The following KIF5C variants were observed in gnomAD, a reference collection of about 807,000 sequenced individuals.
KIF5C encodes kinesin family member 5C, also known as kinesin heavy chain isoform 5C.
A neutral mutation model predicts 125.2 loss-of-function variants in KIF5C; 18 were observed. The ratio of observed to expected loss-of-function variants is 0.14; its 90% confidence interval spans 0.10 to 0.21. The LOEUF (loss-of-function observed/expected upper bound fraction) is 0.21. Ranked by LOEUF, KIF5C falls within the 10% of genes least tolerant of loss-of-function variation. The probability of loss-of-function intolerance (pLI) is 1.00; values close to 1 mark genes in which losing one functional copy is unlikely to be tolerated. For synonymous variants in KIF5C, 405 were observed against 434.0 expected, an observed-to-expected ratio of 0.93 and a Z score of 0.83; for missense variants, 780 against 1,183.8, an observed-to-expected ratio of 0.66 and a Z score of 5.01.
intron 15 of KIF5C, 52 bp downstream of exon 15, chr2:148,983,818 G>T: frequency 6.6e-7 from 1 of 1,511,394 alleles, no homozygotes; most frequent in Admixed American, 2.1e-5. Context: ...AAGTTAGTAG[G>T]GTCTGTGCTT....
chr2:148,981,298 A>T, intron 13 of KIF5C, 57 bp from the exon 14 acceptor site: 10 of 1,518,104 alleles, frequency 6.6e-6, no homozygotes, highest in Non-Finnish European at 8.8e-6. Context: ...GATACAGCAT[A>T]GAACATAAAC....
chr2:148,875,575 G>GCCCCCCCCCCCCCCCC lies in KIF5C; in HGVS notation c.-37_-36insCCCCCCCCCCCCCCCC. 1.4e-6 allele frequency: 1 copy of GCCCCCCCCCCCCCCCC among 699,604 alleles called. No individual in the cohort carries two copies. The highest frequency in any genetic ancestry group is 2.6e-6 in the Non-Finnish European group (1 of 389,228). 43.3% of individuals were successfully genotyped at this position (699,604 alleles called of 1,614,324 possible). A position where few individuals can be genotyped will look rare whatever the true frequency, so the allele number is the denominator to read the frequency against. ...TCCTCCCTCGTCGTTCCCGGCCCCG[G>GCCCCCCCCCCCCCCCC]CCCCCCACCCATCCCCGTGCCCCCT... On this transcript the variant is annotated 5_prime_UTR_variant, in exon 1 of 26. Coordinates refer to ENST00000435030, the MANE Select transcript of KIF5C (RefSeq NM_004522.3).
chr2:148,922,541 C>T (rs1344153729), intron 2 of KIF5C, among the ~76,000 whole-genome samples: 1 of 152,190 alleles, frequency 6.6e-6, no homozygotes, highest in East Asian at 1.9e-4. Context: ...ACACTGGCTG[C>T]AGGTATGGAA....
chr2:148,972,324 C>T (rs1380617430), intron 11 of KIF5C, among the ~76,000 whole-genome samples: 5 of 152,000 alleles, frequency 3.3e-5, no homozygotes, highest in Non-Finnish European at 7.4e-5. Context: ...TGGGGTGAGG[C>T]TTGGAATACT....
Position 148,875,575 on chromosome 2 carries a change from G to GGGCCCCCCCCCCCCCCCCCCC in KIF5C, c.-43_-42insGGCCCCCCCCCCCCCCCCCCC. On this transcript the variant is annotated 5_prime_UTR_variant, in exon 1 of 26. Transcript: ENST00000435030. The stretch of plus-strand genomic sequence containing the variant: ...TCCTCCCTCGTCGTTCCCGGCCCCG[G>GGGCCCCCCCCCCCCCCCCCCC]CCCCCCACCCATCCCCGTGCCCCCT... 4.3e-6 allele frequency: 3 copies of GGGCCCCCCCCCCCCCCCCCCC among 699,602 alleles called. No homozygotes were observed. The highest frequency in any genetic ancestry group is 7.7e-6 in the Non-Finnish European group (3 of 389,226). 43.3% of individuals were successfully genotyped at this position (699,602 alleles called of 1,614,324 possible). A position where few individuals can be genotyped will look rare whatever the true frequency, so the allele number is the denominator to read the frequency against.
At chr2:148,902,825 A>G (rs116421173) in intron 1 of KIF5C, among the ~76,000 whole-genome samples, 2,798 of 152,340 alleles carry the variant, frequency 0.018, 88 homozygotes, top group African/African-American at 0.062. Flanking sequence ...CACAAGATGT[A>G]TTATGTATTA....
At chr2:148,985,616 C>T (rs969988173) in intron 15 of KIF5C, among the ~76,000 whole-genome samples, 2 of 152,150 alleles carry the variant, frequency 1.3e-5, no homozygotes, top group African/African-American at 4.8e-5. Context: ...CATTGCTTAC[C>T]TTACATGTCA....
chr2:149,020,186 T>C (rs997756374), intron 25 of KIF5C: 4 of 152,246 alleles, frequency 2.6e-5, no homozygotes, highest in African/African-American at 9.6e-5. Context: ...GATATGAAGA[T>C]CCAGATAGTG....
chr2:148,973,470 G>A lies in KIF5C; in HGVS notation c.1252G>A (p.Asp418Asn), dbSNP rs770969075. 9 of 1,612,986 alleles carry A rather than the reference G, an allele frequency of 5.6e-6. No homozygotes were observed. The highest frequency in any genetic ancestry group is 2.7e-5 in the African/African-American group (2 of 74,910). ...CTCTACAGAGGAGAAAGAGAAGTACGATGAGGAGATCTCCAGTCTCTACAG... is the reference window on the plus strand; with the variant it reads ...CTCTACAGAGGAGAAAGAGAAGTACAATGAGGAGATCTCCAGTCTCTACAG... ...GISTEEKEKYDEEISSLYRQL... is the reference protein window; with the variant it reads ...GISTEEKEKYNEEISSLYRQL... Residue 418 changes from aspartate (D) to asparagine (N), a missense_variant, in exon 12 of 26, where the codon GAT becomes AAT. This residue lies in a region of KIF5C where 573 missense variants were observed against 742.6 expected (regional missense o/e 0.77). Transcript: ENST00000435030.
chr2:148,917,742 AGAGT>A (rs1442268452), intron 1 of KIF5C, among the ~76,000 whole-genome samples: 1 of 152,238 alleles, frequency 6.6e-6, no homozygotes, highest in Non-Finnish European at 1.5e-5. Context: ...GTAATTCCAC[AGAGT>A]GAGTTTAAAT....
intron 13 of KIF5C, among the ~76,000 whole-genome samples, chr2:148,979,210 T>C (rs1681164384): frequency 6.6e-6 from 1 of 152,216 alleles, no homozygotes; most frequent in Admixed American, 6.5e-5. Context: ...GTTTTGAGAT[T>C]GAGTAGCCAG....
chr2:148,877,691 G>A (rs1681230412), intron 1 of KIF5C, among the ~76,000 whole-genome samples: 1 of 152,142 alleles, frequency 6.6e-6, no homozygotes, highest in South Asian at 2.1e-4. Context: ...TTTCCCAGAG[G>A]TTTTGAAGAG....
At position 149,000,807 on chromosome 2, in the gene KIF5C, A is replaced by G. The variant is rs529074414; in HGVS notation, c.2373+25A>G. On this transcript the variant is annotated intron_variant, in intron 21 of 25. Transcript: ENST00000435030. ...GGTATGTCAAGATATTTCCCGATTTATGTTTGTCTCCAAGACCGGATTCAT... is the reference window on the plus strand; with the variant it reads ...GGTATGTCAAGATATTTCCCGATTTGTGTTTGTCTCCAAGACCGGATTCAT... The G allele has an allele frequency of 2.6e-5, 42 of 1,611,632 alleles. No individual in the cohort carries two copies. In the South Asian group the frequency reaches 4.3e-4, roughly 17 times the overall value.
intron 1 of KIF5C, among the ~76,000 whole-genome samples, chr2:148,906,619 C>T (rs556957561): frequency 2.0e-5 from 3 of 151,940 alleles, no homozygotes; most frequent in African/African-American, 7.2e-5. Context: ...AATTCCAGCA[C>T]TTTGGGAGGC....
At chr2:148,979,267 C>G (rs537912298) in intron 13 of KIF5C, among the ~76,000 whole-genome samples, 1 of 152,256 alleles carries the variant, frequency 6.6e-6, no homozygotes, top group African/African-American at 2.4e-5. Flanking sequence ...GTTGGGTGAT[C>G]AAGCAAGGAT....
intron 17 of KIF5C, among the ~76,000 whole-genome samples, chr2:148,995,552 A>T (rs1410714173): frequency 2.6e-5 from 4 of 152,250 alleles, no homozygotes; most frequent in African/African-American, 7.2e-5. Flanking sequence ...AAACTAGAAC[A>T]TATATATTAT....
chr2:149,002,537 A>G (rs1681881337), intron 21 of KIF5C, among the ~76,000 whole-genome samples: 1 of 152,022 alleles, frequency 6.6e-6, no homozygotes, highest in African/African-American at 2.4e-5. Context: ...CACACACACA[A>G]CTTGCATGCA....
At chr2:148,973,313 C>G (rs1283695750) in intron 11 of KIF5C, 23 bp from the exon 12 acceptor site, 1 of 1,599,480 alleles carries the variant, frequency 6.3e-7, no homozygotes, top group Non-Finnish European at 8.5e-7. Context: ...TAATCCCCAA[C>G]TCTGCTCGGC....
chr2:148,899,348 A>G (rs1274988178), intron 1 of KIF5C, among the ~76,000 whole-genome samples: 1 of 152,204 alleles, frequency 6.6e-6, no homozygotes, highest in Non-Finnish European at 1.5e-5. Flanking sequence ...AAAGCAAATT[A>G]AAGAGATTTA....
Sources: gnomAD v4.1 joint callset for allele counts (sites outside exome capture counted in the v4.1 genomes callset) on GRCh38, gnomAD v4.1.1 for gene constraint, gnomAD v4.1.1 regional missense constraint, MANE v1.5 for transcripts, NCBI Gene and HGNC (gene_info 2026-07-23, HGNC 2026-07-21) for gene names.